The following ZPLD1 variants were observed in gnomAD, a reference collection of about 807,000 sequenced individuals.
The protein encoded by ZPLD1 is zona pellucida-like domain-containing protein 1.
In ZPLD1, 34 loss-of-function variants were observed where a neutral mutation model predicts 47.2. The observed-to-expected ratio is 0.72, with a 90% confidence interval of 0.55 to 0.96. ZPLD1 has a LOEUF of 0.96. ZPLD1 is among the 40% of genes least tolerant of loss of function. ZPLD1 has a pLI of 0.00. For missense variants in ZPLD1, 512 were observed against 505.8 expected (o/e 1.01, Z -0.12); for synonymous variants, 176 against 186.2 (o/e 0.95, Z 0.45).
At chr3:102,473,147 CAT>C (rs956641354) in intron 10 of ZPLD1, among the ~76,000 whole-genome samples, 17 of 152,264 alleles carry the variant, frequency 1.1e-4, no homozygotes, top group Middle Eastern at 3.4e-3. Flanking sequence ...CCTCCCACAA[CAT>C]GTGGGTATTA....
At chr3:102,387,208 C>T (rs1258389021) in intron 6 of ZPLD1, among the ~76,000 whole-genome samples, 3 of 152,208 alleles carry the variant, frequency 2.0e-5, no homozygotes, top group Admixed American at 6.5e-5. Context: ...TTCTCTTCCA[C>T]TGTCCCAAGT....
chr3:102,443,919 G>A (rs1303266686), intron 3 of ZPLD1, among the ~76,000 whole-genome samples: 2 of 152,198 alleles, frequency 1.3e-5, no homozygotes, highest in Non-Finnish European at 2.9e-5. Context: ...GTTGTCAAGA[G>A]GATGCCTGCT....
intron 7 of ZPLD1, among the ~76,000 whole-genome samples, chr3:102,394,075 A>AC (rs940152392): frequency 3.3e-5 from 5 of 152,038 alleles, no homozygotes; most frequent in African/African-American, 9.7e-5. Flanking sequence ...ACCTTTTAGA[A>AC]CCCCCCATAC....
intron 8 of ZPLD1, among the ~76,000 whole-genome samples, chr3:102,467,825 GAAT>G (rs1576165970): frequency 7.4e-6 from 1 of 134,454 alleles, no homozygotes; most frequent in South Asian, 2.3e-4. Flanking sequence ...AACTACGTAA[GAAT>G]AAAACTGTAC....
At chr3:102,430,837 A>G (rs1576142241), upstream of ZPLD1, among the ~76,000 whole-genome samples, 1 of 152,210 alleles carries the variant, frequency 6.6e-6, no homozygotes, top group East Asian at 1.9e-4. Flanking sequence ...AATAATACCA[A>G]TAGTCAAGTT....
chr3:102,406,640 A>G (rs1243558756), intron 7 of ZPLD1, among the ~76,000 whole-genome samples: 1 of 151,966 alleles, frequency 6.6e-6, no homozygotes, highest in African/African-American at 2.4e-5. Flanking sequence ...CTCAAATTCT[A>G]GGTAATTTTT....
At chr3:102,392,945 A>G (rs907567317) in intron 7 of ZPLD1, among the ~76,000 whole-genome samples, 1 of 152,198 alleles carries the variant, frequency 6.6e-6, no homozygotes, top group Non-Finnish European at 1.5e-5. Context: ...AAATAATAGC[A>G]GGAAATTGAA....
At chr3:102,405,164 A>AAT (rs1421067429) in intron 7 of ZPLD1, among the ~76,000 whole-genome samples, 2 of 152,004 alleles carry the variant, frequency 1.3e-5, no homozygotes, top group Non-Finnish European at 2.9e-5. Flanking sequence ...CAAGAGTCAT[A>AAT]ATAAGTGCAC....
At chr3:102,441,946 C>A (rs1707185065) in intron 3 of ZPLD1, among the ~76,000 whole-genome samples, 1 of 152,080 alleles carries the variant, frequency 6.6e-6, no homozygotes, top group Non-Finnish European at 1.5e-5. Context: ...AGGCTCACAT[C>A]AAAATTAGGC....
At chr3:102,457,721 T>G in intron 5 of ZPLD1, 60 bp from the exon 6 acceptor site, 2 of 1,466,166 alleles carry the variant, frequency 1.4e-6, no homozygotes, top group Non-Finnish European at 1.9e-6. Flanking sequence ...GTCTAACATC[T>G]AGGTATCACT....
chr3:102,459,890 C>T (rs1234735566), intron 6 of ZPLD1, among the ~76,000 whole-genome samples: 1 of 152,102 alleles, frequency 6.6e-6, no homozygotes, highest in African/African-American at 2.4e-5. Flanking sequence ...GTTTAGGTTA[C>T]TCTTCCTCTT....
At chr3:102,407,442 T>TATATATATATATATACAC in intron 7 of ZPLD1, among the ~76,000 whole-genome samples, 1 of 95,506 alleles carries the variant, frequency 1.0e-5, no homozygotes, top group African/African-American at 3.9e-5. Flanking sequence ...TATATATATA[T>TATATATATATATATACAC]ACACACATAT....
chr3:102,457,735 A>G, intron 5 of ZPLD1, 46 bp from the exon 6 acceptor site: 1 of 1,564,428 alleles, frequency 6.4e-7, no homozygotes, highest in East Asian at 2.2e-5. Context: ...TATCACTTTT[A>G]CTCTAAAATC....
At chr3:102,430,134 TC>T (rs1707000166), upstream of ZPLD1, among the ~76,000 whole-genome samples, 1 of 152,160 alleles carries the variant, frequency 6.6e-6, no homozygotes, top group Admixed American at 6.5e-5. Context: ...TCTGGCCCTC[TC>T]CTCCTAGCTC....
intron 1 of ZPLD1, among the ~76,000 whole-genome samples, chr3:102,435,895 G>A: frequency 6.6e-6 from 1 of 152,130 alleles, no homozygotes. Context: ...ACCCGCCTCG[G>A]CCTCCCAGAG....
At chr3:102,449,000 T>C (rs1187892568) in intron 3 of ZPLD1, among the ~76,000 whole-genome samples, 1 of 152,204 alleles carries the variant, frequency 6.6e-6, no homozygotes, top group African/African-American at 2.4e-5. Flanking sequence ...AGGTAGATGG[T>C]ATCTTAGGCC....
chr3:102,454,175 T>C (rs1294959578), intron 4 of ZPLD1, among the ~76,000 whole-genome samples: 1 of 152,208 alleles, frequency 6.6e-6, no homozygotes, highest in South Asian at 2.1e-4. Context: ...TTTCTTTGAA[T>C]CTTGTTCTTT....
chr3:102,424,133 T>C (rs2107308690), intron 8 of ZPLD1, among the ~76,000 whole-genome samples: 1 of 152,294 alleles, frequency 6.6e-6, no homozygotes, highest in Admixed American at 6.5e-5. Context: ...AAGGAAACGA[T>C]GGCTCAGTCT....
chr3:102,427,433 C>T (rs1706962055), intron 8 of ZPLD1, among the ~76,000 whole-genome samples: 1 of 152,108 alleles, frequency 6.6e-6, no homozygotes. Context: ...GGATGCATCA[C>T]TTGCCACCTC....
Sources: gnomAD v4.1 joint callset for allele counts (sites outside exome capture counted in the v4.1 genomes callset) on GRCh38, gnomAD v4.1.1 for gene constraint, MANE v1.5 for transcripts, NCBI Gene and HGNC (gene_info 2026-07-23, HGNC 2026-07-21) for gene names.